Variants in FAM227B observed in about 807,000 individuals in gnomAD.
The protein encoded by FAM227B is family with sequence similarity 227 member B.
FAM227B carries 88 observed loss-of-function variants against 73.8 expected under a neutral mutation model. That is an observed-to-expected ratio of 1.19 (90% CI 1.00 to 1.42). The LOEUF (loss-of-function observed/expected upper bound fraction) is 1.42, where lower values mean the gene tolerates loss of function less well. FAM227B is among the 40% of genes most tolerant of loss of function. The pLI is 0.00. For synonymous variants in FAM227B, 210 were observed against 190.5 expected (o/e 1.10, Z -0.84); for missense variants, 632 against 590.9 (o/e 1.07, Z -0.72).
intron 1 of FAM227B, 36 bp from the exon 2 acceptor site, chr15:49,615,279 T>C (rs761429481): frequency 5.6e-6 from 5 of 897,128 alleles, no homozygotes; most frequent in Non-Finnish European, 9.4e-6. Flanking sequence ...CAAAAATAAA[T>C]GACTCAGCCA....
intron 11 of FAM227B, among the ~76,000 whole-genome samples, chr15:49,441,691 G>A (rs1314012456): frequency 6.6e-6 from 1 of 151,560 alleles, no homozygotes; most frequent in Non-Finnish European, 1.5e-5. Flanking sequence ...AAATAACAAT[G>A]ATAATGATTA....
intron 5 of FAM227B, among the ~76,000 whole-genome samples, chr15:49,585,520 T>C (rs2076097118): frequency 6.6e-6 from 1 of 152,142 alleles, no homozygotes; most frequent in Non-Finnish European, 1.5e-5. Flanking sequence ...CCATAAAAAA[T>C]GATGAGTTCA....
intron 3 of FAM227B, among the ~76,000 whole-genome samples, chr15:49,599,415 T>C (rs1212314944): frequency 4.6e-5 from 7 of 152,122 alleles, no homozygotes; most frequent in African/African-American, 1.7e-4. Flanking sequence ...ATCATCTCTA[T>C]TGTTTTTCCA....
Position 49,576,838 on chromosome 15 carries a change from C to G in FAM227B, c.449G>C (p.Ser150Thr), listed in dbSNP as rs1424062272. 1 of 1,606,790 alleles carries G rather than the reference C, an allele frequency of 6.2e-7. No homozygotes were observed. Among genetic ancestry groups the G allele is most frequent in the South Asian group, 1.1e-5 (1 of 90,542 alleles). The change falls in exon 7 of 16, where the codon AGC becomes ACC. Residue 150 changes from serine (S) to threonine (T), a missense_variant. Coordinates refer to ENST00000299338, the MANE Select transcript of FAM227B (RefSeq NM_152647.3). ...TTCATTTGCTTTGAATCCTGTGAAGCTGCAACCCTAGAAAGAGGAAAATAT... is the reference window on the plus strand; with the variant it reads ...TTCATTTGCTTTGAATCCTGTGAAGGTGCAACCCTAGAAAGAGGAAAATAT... The part of the protein sequence containing the change: ...METEKNIEGC[S>T]FTGFKANELT...
chr15:49,348,646 G>A (rs1352887124), intron 13 of FAM227B, among the ~76,000 whole-genome samples: 1 of 152,082 alleles, frequency 6.6e-6, no homozygotes, highest in African/African-American at 2.4e-5. Context: ...TTTCTCCTTT[G>A]TCTGCCCACC....
At chr15:49,358,077 G>A (rs1414418128) in intron 13 of FAM227B, among the ~76,000 whole-genome samples, 4 of 152,104 alleles carry the variant, frequency 2.6e-5, no homozygotes, top group Admixed American at 1.3e-4. Flanking sequence ...AGGTATTGAT[G>A]GGACGTATTT....
At chr15:49,366,765 T>A in intron 13 of FAM227B, 1 of 690,624 alleles carries the variant, frequency 1.4e-6, no homozygotes, top group East Asian at 2.9e-5. Flanking sequence ...CTGCGCTGCC[T>A]CCGTGGCGGG....
At chr15:49,595,767 T>C (rs995197657) in intron 3 of FAM227B, among the ~76,000 whole-genome samples, 1 of 148,828 alleles carries the variant, frequency 6.7e-6, no homozygotes, top group Non-Finnish European at 1.5e-5. Context: ...ATATCATAAA[T>C]AAAAATCACA....
chr15:49,401,360 GGA>G (rs2048132232), intron 11 of FAM227B, among the ~76,000 whole-genome samples: 1 of 152,192 alleles, frequency 6.6e-6, no homozygotes, highest in Non-Finnish European at 1.5e-5. Flanking sequence ...AACAGGTGCT[GGA>G]GAGGATGTGG....
intron 11 of FAM227B, among the ~76,000 whole-genome samples, chr15:49,428,523 C>G (rs1307211833): frequency 6.6e-6 from 1 of 151,954 alleles, no homozygotes; most frequent in Non-Finnish European, 1.5e-5. Context: ...GGCAGTCCAA[C>G]AGCAGACAGA....
At chr15:49,514,801 T>A in intron 10 of FAM227B, among the ~76,000 whole-genome samples, 1 of 152,144 alleles carries the variant, frequency 6.6e-6, no homozygotes, top group Non-Finnish European at 1.5e-5. Context: ...TGCACTATGC[T>A]TTTGATGTCT....
chr15:49,477,707 C>G (rs2055479653), intron 11 of FAM227B, among the ~76,000 whole-genome samples: 1 of 152,164 alleles, frequency 6.6e-6, no homozygotes, highest in Non-Finnish European at 1.5e-5. Context: ...GGCATGACTG[C>G]TGGATTATAT....
At chr15:49,543,667 A>G (rs1598060534) in intron 9 of FAM227B, among the ~76,000 whole-genome samples, 1 of 152,210 alleles carries the variant, frequency 6.6e-6, no homozygotes, top group East Asian at 1.9e-4. Context: ...AGCCATCTTC[A>G]GTTGACTTTT....
chr15:49,603,441 C>T (rs901234301), intron 3 of FAM227B, among the ~76,000 whole-genome samples: 1 of 151,956 alleles, frequency 6.6e-6, no homozygotes, highest in Non-Finnish European at 1.5e-5. Context: ...AGATTTTTCT[C>T]TCTTGGCATA....
intron 9 of FAM227B, among the ~76,000 whole-genome samples, chr15:49,564,854 G>A (rs545857456): frequency 6.6e-6 from 1 of 151,884 alleles, no homozygotes; most frequent in Non-Finnish European, 1.5e-5. Context: ...AGAGGGAGGT[G>A]TTGGGGGTGA....
At position 49,527,493 on chromosome 15, in the gene FAM227B, C is replaced by T. The variant is rs970680920; in HGVS notation, c.874+14187G>A. Among the ~76,000 whole-genome samples the T allele has an allele frequency of 2.0e-5, 3 of 151,834 alleles. No homozygotes were observed. The South Asian group carries it at 6.2e-4, about 32-fold the overall frequency. On this transcript the variant is annotated intron_variant, in intron 10 of 15. Transcript: ENST00000299338. ...CTTACCACTCCTATTCAACACTGTA[C>T]TGTAAATTTGTCCAGAAAACTCAGG...
At chr15:49,617,279 C>A (rs2078349917) in intron 1 of FAM227B, among the ~76,000 whole-genome samples, 1 of 152,064 alleles carries the variant, frequency 6.6e-6, no homozygotes, top group Non-Finnish European at 1.5e-5. Context: ...TAGGCATATA[C>A]AGACAATGTG....
rs1170676786 is a variant in FAM227B, at chr15:49,549,767, C to A, written c.748-7961G>T. On this transcript the variant is annotated intron_variant, in intron 9 of 15. Coordinates refer to ENST00000299338, the MANE Select transcript of FAM227B (RefSeq NM_152647.3). ...ATCCGATTTCTCAATCTTTTCCCCA[C>A]CTTTCCCCACTTTCTATTCCACAAA... is the stretch of plus-strand genomic sequence containing the variant. 3.3e-5 allele frequency among the ~76,000 whole-genome samples: 5 copies of A among 152,360 alleles called. No homozygotes were observed. In the East Asian group the frequency reaches 9.7e-4, roughly 29 times the overall value.
intron 11 of FAM227B, among the ~76,000 whole-genome samples, chr15:49,445,502 C>T (rs760315825): frequency 2.5e-4 from 38 of 151,388 alleles, no homozygotes; most frequent in African/African-American, 9.2e-4. Context: ...AACAAACAGA[C>T]CTTTTGCTTA....
Sources: allele counts gnomAD v4.1 joint callset (sites outside exome capture counted in the v4.1 genomes callset), GRCh38; gene constraint gnomAD v4.1.1; transcripts MANE v1.5; gene names NCBI Gene and HGNC (gene_info 2026-07-23, HGNC 2026-07-21).